IL1RAPL1: variants seen among roughly 807,000 people sequenced by gnomAD.
IL1RAPL1 encodes the protein interleukin-1 receptor accessory protein-like 1.
A neutral mutation model predicts 48.4 loss-of-function variants in IL1RAPL1; 3 were observed. The observed-to-expected ratio is 0.06, with a 90% CI of 0.03 to 0.16. The LOEUF (loss-of-function observed/expected upper bound fraction) is 0.16, where lower values mean the gene tolerates loss of function less well. Among genes scored for constraint, IL1RAPL1 ranks in the 10% least tolerant of loss-of-function variants. The pLI is 1.00. For synonymous variants in IL1RAPL1, 185 were observed against 187.7 expected, an observed-to-expected ratio of 0.99 and a Z score of 0.12; for missense variants, 349 against 530.6, an observed-to-expected ratio of 0.66 and a Z score of 3.36.
chrX:29,469,478 A>T (rs1421477537), intron 5 of IL1RAPL1, among the ~76,000 whole-genome samples: 2 of 112,020 alleles, frequency 1.8e-5, no homozygotes, highest in Non-Finnish European at 3.8e-5. Flanking sequence ...AGAAAAAAAT[A>T]TAAGCTTGGG....
intron 1 of IL1RAPL1, among the ~76,000 whole-genome samples, chrX:28,717,411 A>G (rs866759907): frequency 2.7e-5 from 3 of 111,491 alleles, no homozygotes; most frequent in Non-Finnish European, 3.8e-5. Flanking sequence ...AAAACCAAAT[A>G]CCACATATTT....
At chrX:29,066,657 T>C (rs1472311833) in intron 2 of IL1RAPL1, among the ~76,000 whole-genome samples, 1 of 111,535 alleles carries the variant, frequency 9.0e-6, no homozygotes, top group Non-Finnish European at 1.9e-5. Context: ...ACCTCTGCCC[T>C]AGGAACAAGA....
chrX:29,709,991 T>C (rs1927296352), intron 6 of IL1RAPL1, among the ~76,000 whole-genome samples: 1 of 112,041 alleles, frequency 8.9e-6, no homozygotes, highest in Non-Finnish European at 1.9e-5. Flanking sequence ...TGCAACAGAT[T>C]TTTGTATGTT....
intron 2 of IL1RAPL1, among the ~76,000 whole-genome samples, chrX:28,893,509 A>G (rs1922826858): frequency 9.0e-6 from 1 of 111,412 alleles, no homozygotes; most frequent in Non-Finnish European, 1.9e-5. Flanking sequence ...AAGGCCTCTA[A>G]CTATCCAGTG....
At chrX:29,899,482 A>C (rs1324870410) in intron 6 of IL1RAPL1, among the ~76,000 whole-genome samples, 2 of 111,024 alleles carry the variant, frequency 1.8e-5, no homozygotes, top group Non-Finnish European at 3.8e-5. Context: ...TTCCTCAAGA[A>C]TGAAAAGAAC....
intron 8 of IL1RAPL1, 88 bp from the exon 9 acceptor site, chrX:29,941,563 C>T: frequency 1.0e-6 from 1 of 983,969 alleles, no homozygotes; most frequent in Non-Finnish European, 1.5e-6. Flanking sequence ...CTGATCTCAT[C>T]CAGGAAAATG....
intron 5 of IL1RAPL1, among the ~76,000 whole-genome samples, chrX:29,577,945 TA>T (rs5901926): frequency 0.44 from 48,718 of 109,515 alleles, 8,026 homozygotes; most frequent in South Asian, 0.54. Context: ...TGGGGAGCTT[TA>T]AAAAAATCCT....
intron 1 of IL1RAPL1, among the ~76,000 whole-genome samples, chrX:28,628,057 A>T (rs1367246922): frequency 9.0e-6 from 1 of 111,322 alleles, no homozygotes; most frequent in African/African-American, 3.3e-5. Context: ...AGCATGTCCA[A>T]GTGTCTGTAG....
intron 5 of IL1RAPL1, among the ~76,000 whole-genome samples, chrX:29,633,466 T>C (rs868324654): frequency 2.2e-4 from 22 of 98,673 alleles, no homozygotes; most frequent in African/African-American, 8.2e-4. Context: ...TCGATATATA[T>C]ATACACACAC....
chrX:29,341,705 A>G (rs989773007), intron 3 of IL1RAPL1, among the ~76,000 whole-genome samples: 5 of 112,086 alleles, frequency 4.5e-5, no homozygotes, highest in African/African-American at 1.6e-4. Flanking sequence ...TAATATGTGA[A>G]TGAAAATAGT....
intron 5 of IL1RAPL1, among the ~76,000 whole-genome samples, chrX:29,516,822 A>G (rs186153951): frequency 9.0e-6 from 1 of 110,979 alleles, no homozygotes; most frequent in African/African-American, 3.3e-5. Flanking sequence ...CTGAGTCTAT[A>G]TGCATATTTT....
intron 5 of IL1RAPL1, among the ~76,000 whole-genome samples, chrX:29,461,677 C>T (rs1449963749): frequency 8.9e-6 from 1 of 111,790 alleles, no homozygotes; most frequent in Non-Finnish European, 1.9e-5. Flanking sequence ...ATGCTACTCT[C>T]CCCAAAAAGA....
intron 2 of IL1RAPL1, among the ~76,000 whole-genome samples, chrX:28,968,036 G>A (rs765034558): frequency 2.8e-4 from 31 of 111,278 alleles, no homozygotes; most frequent in Non-Finnish European, 5.1e-4. Context: ...GCGGCCAGAT[G>A]GCATGCTACT....
chrX:29,324,021 C>T (rs1234364293), intron 3 of IL1RAPL1, among the ~76,000 whole-genome samples: 1 of 107,025 alleles, frequency 9.3e-6, no homozygotes, highest in Non-Finnish European at 1.9e-5. Context: ...ACAACAGTTT[C>T]ACATAACTTC....
intron 6 of IL1RAPL1, among the ~76,000 whole-genome samples, chrX:29,877,435 G>T: frequency 8.9e-6 from 1 of 111,751 alleles, no homozygotes; most frequent in East Asian, 2.8e-4. Context: ...GCATCGATAT[G>T]AACAAGTTTG....
At chrX:29,548,845 A>T (rs1921714005) in intron 5 of IL1RAPL1, among the ~76,000 whole-genome samples, 1 of 112,092 alleles carries the variant, frequency 8.9e-6, no homozygotes, top group African/African-American at 3.2e-5. Context: ...TAAGGTGGCA[A>T]TGGAAATCCA....
intron 2 of IL1RAPL1, among the ~76,000 whole-genome samples, chrX:29,026,579 G>T (rs1406903335): frequency 1.8e-5 from 2 of 111,337 alleles, no homozygotes; most frequent in African/African-American, 6.5e-5. Context: ...TAAAGTAAAA[G>T]AAAAGAAAAT....
At chrX:29,098,336 ATTG>A (rs764127469) in intron 2 of IL1RAPL1, among the ~76,000 whole-genome samples, 34 of 110,870 alleles carry the variant, frequency 3.1e-4, no homozygotes, top group Admixed American at 5.8e-4. Flanking sequence ...CATCCCCTGA[ATTG>A]TTGTTGTTGT....
intron 6 of IL1RAPL1, among the ~76,000 whole-genome samples, chrX:29,861,773 T>A (rs758386001): frequency 1.0e-4 from 11 of 109,061 alleles, no homozygotes; most frequent in Non-Finnish European, 1.5e-4. Context: ...ACCCTAAATT[T>A]AAAAAAAAAA....
Sources: allele counts gnomAD v4.1 joint callset (sites outside exome capture counted in the v4.1 genomes callset), GRCh38; gene constraint gnomAD v4.1.1; transcripts MANE v1.5; gene names NCBI Gene and HGNC (gene_info 2026-07-23, HGNC 2026-07-21).